Variants in EHF observed in about 807,000 individuals in gnomAD.
EHF encodes the protein ESE3 transcription factor.
Under a neutral mutation model 45.1 loss-of-function variants are expected in EHF, and 14 were observed. That is an observed-to-expected ratio of 0.31 (90% confidence interval 0.21 to 0.49). The LOEUF (loss-of-function observed/expected upper bound fraction) is 0.49. EHF is among the 20% of genes least tolerant of loss of function. EHF has a pLI of 0.99. For missense variants in EHF, 282 were observed against 371.4 expected (o/e 0.76, Z 1.98); for synonymous variants, 136 against 131.8 (o/e 1.03, Z -0.22).
intron 3 of EHF, among the ~76,000 whole-genome samples, chr11:34,647,079 AC>A (rs1854628043): frequency 6.9e-6 from 1 of 144,372 alleles, no homozygotes; most frequent in African/African-American, 2.7e-5. Flanking sequence ...ACAAAACAAA[AC>A]AAAACCCCCC....
intron 1 of EHF, among the ~76,000 whole-genome samples, chr11:34,627,158 G>A (rs1329956544): frequency 1.3e-5 from 2 of 150,494 alleles, no homozygotes; most frequent in Admixed American, 1.3e-4. Flanking sequence ...ATCAACATTG[G>A]TTCTTCACTG....
In EHF at chr11:34,646,665, G is replaced by A. The variant is rs1425480909; in HGVS notation, c.324G>A (p.Leu108=). ...CGGGGCAGCTCCTCTACAGCAACTT[G>A]CAGCATCTGAAGTGGAACGGTGACT... ...GTAGQLLYSN[L]QHLKWNGQCS... is the part of the protein sequence containing the mutation. The change falls in exon 3 of 9, where the codon TTG becomes TTA. Residue 108 remains leucine, a synonymous_variant. Transcript: ENST00000257831. The A allele has an allele frequency of 1.9e-6, 3 of 1,611,740 alleles. No individual in the cohort carries two copies. The highest frequency in any genetic ancestry group is 1.1e-5 in the South Asian group (1 of 91,082).
intron 1 of EHF, among the ~76,000 whole-genome samples, chr11:34,636,462 A>G (rs1359048659): frequency 6.6e-6 from 1 of 152,230 alleles, no homozygotes; most frequent in Admixed American, 6.5e-5. Context: ...CACAGTTTAA[A>G]CAGAGACTCA....
At chr11:34,639,604 C>T (rs1853781817) in intron 1 of EHF, among the ~76,000 whole-genome samples, 2 of 152,240 alleles carry the variant, frequency 1.3e-5, no homozygotes, top group South Asian at 4.1e-4. Flanking sequence ...ACCCTGAGGA[C>T]ATCTTTCCCT....
At position 34,663,285 on chromosome 11, in the gene EHF, G is replaced by GA. The variant is rs1438975492; in HGVS notation, c.*4357dup. Among the ~76,000 whole-genome samples the GA allele has an allele frequency of 2.6e-5, 4 of 152,066 alleles. No homozygotes were observed. The highest frequency in any genetic ancestry group is 5.9e-5 in the Non-Finnish European group (4 of 68,012). ...AATAAAAACCACAGAGACCAGCCTG[G>GA]AAATGCGTGTTTCATTCTTCAATAA... On this transcript the variant is annotated 3_prime_UTR_variant, in exon 9 of 9. Transcript: ENST00000257831.
intron 1 of EHF, among the ~76,000 whole-genome samples, chr11:34,637,351 T>A (rs1853538014): frequency 1.3e-5 from 2 of 152,186 alleles, no homozygotes; most frequent in African/African-American, 4.8e-5. Flanking sequence ...GGCTGGGATG[T>A]GTCTCTGTGT....
intron 1 of EHF, among the ~76,000 whole-genome samples, chr11:34,627,518 T>A (rs1379689353): frequency 6.6e-6 from 1 of 152,152 alleles, no homozygotes; most frequent in Non-Finnish European, 1.5e-5. Context: ...AGGTCATGAA[T>A]CTTGGGCATT....
intron 6 of EHF, among the ~76,000 whole-genome samples, chr11:34,656,301 A>G (rs1855668415): frequency 1.3e-5 from 2 of 152,132 alleles, no homozygotes; most frequent in Admixed American, 6.5e-5. Flanking sequence ...TGTCAGGCTG[A>G]TTAAAATGTA....
At chr11:34,652,736 C>CT (rs1031239606) in intron 6 of EHF, among the ~76,000 whole-genome samples, 2 of 152,096 alleles carry the variant, frequency 1.3e-5, no homozygotes, top group Non-Finnish European at 2.9e-5. Context: ...CTTCCTTCCT[C>CT]TTTTTTTCTG....
chr11:34,650,658 A>C (rs1259539396), intron 4 of EHF, among the ~76,000 whole-genome samples: 1 of 152,130 alleles, frequency 6.6e-6, no homozygotes, highest in Non-Finnish European at 1.5e-5. Context: ...GAGGTGAGAG[A>C]TCTTACAGCT....
intron 1 of EHF, among the ~76,000 whole-genome samples, chr11:34,637,490 T>A (rs1014200364): frequency 1.3e-5 from 2 of 152,206 alleles, no homozygotes; most frequent in African/African-American, 4.8e-5. Flanking sequence ...CTCAGGCTGG[T>A]CATTTAGCAC....
intron 4 of EHF, among the ~76,000 whole-genome samples, chr11:34,650,554 A>G (rs919546685): frequency 2.6e-5 from 4 of 152,202 alleles, no homozygotes; most frequent in African/African-American, 7.2e-5. Flanking sequence ...AGTGGCTTAC[A>G]CCCCGGCCCT....
intron 6 of EHF, among the ~76,000 whole-genome samples, chr11:34,656,074 AC>A: frequency 6.6e-6 from 1 of 151,980 alleles, no homozygotes; most frequent in East Asian, 1.9e-4. Context: ...ACACACACAC[AC>A]ACATATACAC....
At chr11:34,625,631 G>A (rs940568121) in intron 1 of EHF, among the ~76,000 whole-genome samples, 1 of 152,166 alleles carries the variant, frequency 6.6e-6, no homozygotes, top group Admixed American at 6.5e-5. Flanking sequence ...TTGCAACAGG[G>A]CCAAGCAGGG....
In EHF at chr11:34,658,610, T is replaced by C; in HGVS notation, c.685T>C (p.Trp229Arg). The part of the protein sequence containing the change: ...NPDKNPGLIK[W>R]EDRSEGVFRF... ...AGACAAGAACCCAGGATTAATAAAA[T>C]GGGAAGACCGATCTGAGGGCGTCTT... The change falls in exon 8 of 9, where the codon TGG (tryptophan) becomes CGG (arginine). Residue 229 changes from tryptophan (W) to arginine (R), a missense_variant. This residue lies in a region of EHF where 41 missense variants were observed against 87.0 expected (regional missense o/e 0.47). Transcript: ENST00000257831. 1 of 1,613,634 alleles carries C rather than the reference T, an allele frequency of 6.2e-7. No homozygotes were observed. The highest frequency in any genetic ancestry group is 8.5e-7 in the Non-Finnish European group (1 of 1,179,720).
chr11:34,624,328 T>A (rs987543772), intron 1 of EHF: 3 of 985,220 alleles, frequency 3.0e-6, no homozygotes, highest in African/African-American at 3.5e-5. Context: ...GTAAGCCGGG[T>A]CTGCGGCGGG....
intron 7 of EHF, among the ~76,000 whole-genome samples, chr11:34,657,895 G>A (rs1273478511): frequency 6.6e-6 from 1 of 151,670 alleles, no homozygotes; most frequent in Non-Finnish European, 1.5e-5. Context: ...CCCTCGAAAG[G>A]TGGGTGGGGT....
Position 34,625,386 on chromosome 11 carries a change from G to A in EHF, c.-4+4158G>A, listed in dbSNP as rs77790946. 8.5e-4 allele frequency among the ~76,000 whole-genome samples: 129 copies of A among 152,280 alleles called. 2 individuals carry two copies. In the East Asian group the frequency reaches 0.017, roughly 20 times the overall value. ...GCTCTACTGGTGTCTTCTATAAAACGCCAAAGCAGCCCGCCAGAAAATGGA... is the reference window on the plus strand; with the variant it reads ...GCTCTACTGGTGTCTTCTATAAAACACCAAAGCAGCCCGCCAGAAAATGGA... On this transcript the variant is annotated intron_variant, in intron 1 of 8. Coordinates refer to ENST00000257831, the MANE Select transcript of EHF (RefSeq NM_012153.6).
intron 2 of EHF, among the ~76,000 whole-genome samples, chr11:34,644,906 GAGA>G (rs1453535728): frequency 1.3e-5 from 2 of 152,206 alleles, no homozygotes; most frequent in African/African-American, 4.8e-5. Flanking sequence ...GATCACGTTT[GAGA>G]AGAACTGATC....
Sources: gnomAD v4.1 joint callset for allele counts (sites outside exome capture counted in the v4.1 genomes callset) on GRCh38, gnomAD v4.1.1 for gene constraint, gnomAD v4.1.1 regional missense constraint, MANE v1.5 for transcripts, NCBI Gene and HGNC (gene_info 2026-07-23, HGNC 2026-07-21) for gene names.